CNTNAP5: variants seen among roughly 807,000 people sequenced by gnomAD.
CNTNAP5 encodes contactin associated protein family member 5, also known as contactin-associated protein-like 5.
In CNTNAP5, 72 loss-of-function variants were observed where a neutral mutation model predicts 150.2. That is an observed-to-expected ratio of 0.48 (90% CI 0.40 to 0.58). The LOEUF (loss-of-function observed/expected upper bound fraction) is 0.58, where lower values mean the gene tolerates loss of function less well. CNTNAP5 is among the 20% of genes least tolerant of loss of function. The probability of loss-of-function intolerance (pLI) is 0.00; values close to 1 mark genes in which losing one functional copy is unlikely to be tolerated. For synonymous variants in CNTNAP5, 672 were observed against 619.8 expected (o/e 1.08, Z -1.25); for missense variants, 1,636 against 1,626.2 (o/e 1.01, Z -0.10).
chr2:124,749,751 G>A (rs1203843039), intron 14 of CNTNAP5, among the ~76,000 whole-genome samples: 2 of 152,082 alleles, frequency 1.3e-5, no homozygotes, highest in Non-Finnish European at 2.9e-5. Flanking sequence ...CTTGATCTTT[G>A]CTCACTGTTT....
chr2:124,219,116 A>G (rs1016200715), intron 1 of CNTNAP5, among the ~76,000 whole-genome samples: 1 of 152,146 alleles, frequency 6.6e-6, no homozygotes, highest in Admixed American at 6.6e-5. Context: ...AGAAAAATAA[A>G]TTCCAGAGTT....
chr2:124,054,425 C>T (rs1163616422), intron 1 of CNTNAP5, among the ~76,000 whole-genome samples: 1 of 152,100 alleles, frequency 6.6e-6, no homozygotes. Flanking sequence ...CCCTCACTCT[C>T]GACAAGGGTG....
chr2:124,552,409 A>G (rs1252389483), intron 10 of CNTNAP5, among the ~76,000 whole-genome samples: 4 of 152,162 alleles, frequency 2.6e-5, no homozygotes, highest in Non-Finnish European at 5.9e-5. Context: ...CATATTGGCA[A>G]TGATACATGT....
intron 10 of CNTNAP5, among the ~76,000 whole-genome samples, chr2:124,553,195 A>G (rs943524810): frequency 1.3e-5 from 2 of 152,172 alleles, no homozygotes; most frequent in Non-Finnish European, 2.9e-5. Flanking sequence ...CTGTAAAGGG[A>G]CAATGTGTTC....
At chr2:124,410,711 C>G (rs1691732571) in intron 3 of CNTNAP5, among the ~76,000 whole-genome samples, 2 of 151,760 alleles carry the variant, frequency 1.3e-5, no homozygotes, top group Admixed American at 6.6e-5. Flanking sequence ...ACCAGAATCT[C>G]TGGGACGCAT....
intron 12 of CNTNAP5, among the ~76,000 whole-genome samples, chr2:124,645,895 A>G (rs764651460): frequency 6.6e-6 from 1 of 152,128 alleles, no homozygotes; most frequent in African/African-American, 2.4e-5. Context: ...TTCAGACGGC[A>G]AGAGCAGGAG....
intron 12 of CNTNAP5, among the ~76,000 whole-genome samples, chr2:124,629,092 C>T (rs115943344): frequency 0.022 from 3,408 of 152,248 alleles, 61 homozygotes; most frequent in Middle Eastern, 0.031. Flanking sequence ...GAGACTCAGA[C>T]CCCCACACAA....
At chr2:124,216,090 C>T (rs1686148572) in intron 1 of CNTNAP5, among the ~76,000 whole-genome samples, 1 of 152,058 alleles carries the variant, frequency 6.6e-6, no homozygotes. Context: ...TTCAGAAATC[C>T]TCTTAAATCT....
At chr2:124,668,932 C>G (rs546242312) in intron 13 of CNTNAP5, among the ~76,000 whole-genome samples, 2 of 152,090 alleles carry the variant, frequency 1.3e-5, no homozygotes, top group African/African-American at 4.8e-5. Flanking sequence ...GGTGCTATAC[C>G]TTTAAGCCTT....
At chr2:124,412,901 G>A (rs1691811112) in intron 3 of CNTNAP5, among the ~76,000 whole-genome samples, 1 of 105,336 alleles carries the variant, frequency 9.5e-6, no homozygotes, top group African/African-American at 3.9e-5. Context: ...AAACTAAAGA[G>A]CTTCTGCACA....
chr2:124,391,621 C>A (rs571359006), intron 3 of CNTNAP5, among the ~76,000 whole-genome samples: 9 of 152,290 alleles, frequency 5.9e-5, no homozygotes, highest in Admixed American at 3.9e-4. Context: ...GGACCAGTGA[C>A]AGTCTTGTGA....
chr2:124,359,639 T>C (rs1202832129), intron 3 of CNTNAP5, among the ~76,000 whole-genome samples: 1 of 123,960 alleles, frequency 8.1e-6, no homozygotes, highest in Non-Finnish European at 1.7e-5. Context: ...TAATCCTGAG[T>C]TCTAGTTTGA....
chr2:124,283,851 G>C (rs774226835), intron 3 of CNTNAP5, among the ~76,000 whole-genome samples: 1 of 152,038 alleles, frequency 6.6e-6, no homozygotes, highest in Admixed American at 6.6e-5. Context: ...TTTTATAAGG[G>C]CACTAATCTC....
At position 124,025,668 on chromosome 2, in the gene CNTNAP5, G is replaced by A. The variant is rs776661191; in HGVS notation, c.18G>A (p.Arg6=). 15 of 1,613,760 alleles carry A rather than the reference G, an allele frequency of 9.3e-6. No homozygotes were observed. The highest frequency in any genetic ancestry group is 1.3e-5 in the Non-Finnish European group (15 of 1,179,874). Residue 6 remains arginine, a synonymous_variant, in exon 1 of 24, where the codon CGG becomes CGA. Coordinates refer to ENST00000682447, the MANE Select transcript of CNTNAP5 (RefSeq NM_001367498.1). ...CGGGGGAAATGGATTCTTTACCACG[G>A]CTGACCAGCGTTTTGACTTTGCTGT... MDSLP[R]LTSVLTLLFS... is the part of the protein sequence containing the mutation.
At chr2:124,405,053 G>A (rs115582700) in intron 3 of CNTNAP5, among the ~76,000 whole-genome samples, 1,787 of 152,054 alleles carry the variant, frequency 0.012, 27 homozygotes, top group African/African-American at 0.04. Flanking sequence ...GGGTGGGGGC[G>A]GCTGGGGAAA....
At chr2:124,442,815 G>A (rs1037957317) in intron 5 of CNTNAP5, among the ~76,000 whole-genome samples, 1 of 152,116 alleles carries the variant, frequency 6.6e-6, no homozygotes, top group African/African-American at 2.4e-5. Flanking sequence ...TATAGGAAGA[G>A]AGTTCAAAGA....
chr2:124,588,435 C>T lies in CNTNAP5; in HGVS notation c.1757-21366C>T, dbSNP rs182104215. Among the ~76,000 whole-genome samples, 157 of 151,858 alleles carry T rather than the reference C, an allele frequency of 1.0e-3. 2 individuals are homozygous for T. Among genetic ancestry groups the T allele is most frequent in the East Asian group, 7.4e-3 (38 of 5,126 alleles). ...AAGCTCAGAGTATGCCAATTGTCGTCGGTCTGAGGAACATACTCAGGGAAC... is the reference window on the plus strand; with the variant it reads ...AAGCTCAGAGTATGCCAATTGTCGTTGGTCTGAGGAACATACTCAGGGAAC... On this transcript the variant is annotated intron_variant, in intron 11 of 23. Coordinates refer to ENST00000682447, the MANE Select transcript of CNTNAP5 (RefSeq NM_001367498.1).
At chr2:124,106,822 G>C (rs1010084461) in intron 1 of CNTNAP5, among the ~76,000 whole-genome samples, 2 of 152,140 alleles carry the variant, frequency 1.3e-5, no homozygotes, top group African/African-American at 2.4e-5. Flanking sequence ...CTTGAAGCTG[G>C]AGCCATCGTA....
At position 124,911,605 on chromosome 2, in the gene CNTNAP5, T is replaced by C. The variant is rs931843246; in HGVS notation, c.3727+67T>C. 5 of 1,294,192 alleles carry C rather than the reference T, an allele frequency of 3.9e-6. No homozygotes were observed. The Admixed American group carries it at 9.9e-5, about 26-fold the overall frequency. 80.2% of individuals were successfully genotyped at this position (1,294,192 alleles called of 1,614,324 possible). Reference sequence around the variant, plus strand: ...ATCCTGTATTCTGGAGAAAGTTATCTGAAGCTTTCCTTAATTATGGCCATC... The same window carrying C: ...ATCCTGTATTCTGGAGAAAGTTATCCGAAGCTTTCCTTAATTATGGCCATC... On this transcript the variant is annotated intron_variant, in intron 23 of 23. Transcript: ENST00000682447.
Sources: gnomAD v4.1 joint callset for allele counts (sites outside exome capture counted in the v4.1 genomes callset) on GRCh38, gnomAD v4.1.1 for gene constraint, MANE v1.5 for transcripts, NCBI Gene and HGNC (gene_info 2026-07-23, HGNC 2026-07-21) for gene names.